The following HIBADH variants were observed in gnomAD, a reference collection of about 807,000 sequenced individuals.
The protein encoded by HIBADH is 3-hydroxyisobutyrate dehydrogenase.
Under a neutral mutation model 36.1 loss-of-function variants are expected in HIBADH, and 25 were observed. The ratio of observed to expected loss-of-function variants is 0.69; its 90% confidence interval spans 0.50 to 0.97. The LOEUF is 0.97. Ranked by LOEUF, HIBADH falls within the 50% of genes least tolerant of loss-of-function variation. The pLI, the probability that HIBADH is intolerant of heterozygous loss-of-function variation, is 0.00. For synonymous variants in HIBADH, 160 were observed against 149.5 expected (o/e 1.07, Z -0.51); for missense variants, 421 against 418.0 (o/e 1.01, Z -0.06).
At position 27,649,453 on chromosome 7, in the gene HIBADH, A is replaced by T; in HGVS notation, c.252+20T>A. 1 of 1,554,360 alleles carries T rather than the reference A, an allele frequency of 6.4e-7. No homozygotes were observed. The highest frequency in any genetic ancestry group is 1.9e-5 in the Admixed American group (1 of 51,988). On this transcript the variant is annotated intron_variant, in intron 2 of 7. Coordinates refer to ENST00000265395, the MANE Select transcript of HIBADH (RefSeq NM_152740.4). Reference sequence around the variant, plus strand: ...TTTTCATTCTCAAAATCTAAAACAAATCTAAAGAAAAGGTCTTACCTGTTC... The same window carrying T: ...TTTTCATTCTCAAAATCTAAAACAATTCTAAAGAAAAGGTCTTACCTGTTC...
chr7:27,528,139 G>A (rs1783939282), intron 7 of HIBADH, among the ~76,000 whole-genome samples: 1 of 151,710 alleles, frequency 6.6e-6, no homozygotes. Context: ...AAACATAATC[G>A]ATAAATGTGG....
chr7:27,569,509 G>A lies in HIBADH; in HGVS notation c.485-26409C>T, dbSNP rs77518188. On this transcript the variant is annotated intron_variant, in intron 4 of 7. Coordinates refer to ENST00000265395, the MANE Select transcript of HIBADH (RefSeq NM_152740.4). ...AGGAGCCAGCCTGATATCTGGGTGG[G>A]CTATCTATCCCACAGCTACTTGGTA... Among the ~76,000 whole-genome samples, 288 of 152,186 alleles carry A rather than the reference G, an allele frequency of 1.9e-3. 1 individual carries two copies. The highest frequency in any genetic ancestry group is 6.6e-3 in the African/African-American group (275 of 41,508).
At chr7:27,556,353 T>A (rs1477459983) in intron 4 of HIBADH, among the ~76,000 whole-genome samples, 1 of 152,248 alleles carries the variant, frequency 6.6e-6, no homozygotes, top group Admixed American at 6.5e-5. Context: ...CTCTGTTATA[T>A]ATTTTGCAAA....
chr7:27,545,753 T>G (rs1177943984), intron 4 of HIBADH, among the ~76,000 whole-genome samples: 2 of 152,236 alleles, frequency 1.3e-5, no homozygotes, highest in Non-Finnish European at 2.9e-5. Context: ...CACCCTGTGC[T>G]TGATTCTATT....
At chr7:27,577,158 A>G (rs904832369) in intron 4 of HIBADH, among the ~76,000 whole-genome samples, 3 of 118,720 alleles carry the variant, frequency 2.5e-5, no homozygotes, top group Non-Finnish European at 4.9e-5. Context: ...TCCAAGCATC[A>G]TTTCTCTCTT....
intron 4 of HIBADH, among the ~76,000 whole-genome samples, chr7:27,592,480 C>T (rs533328053): frequency 6.6e-6 from 1 of 152,252 alleles, no homozygotes; most frequent in East Asian, 1.9e-4. Flanking sequence ...ACAAAAAGTA[C>T]TCAGACCAAC....
At chr7:27,532,678 A>G (rs778542846) in intron 6 of HIBADH, among the ~76,000 whole-genome samples, 8 of 152,188 alleles carry the variant, frequency 5.3e-5, no homozygotes, top group Non-Finnish European at 1.0e-4. Context: ...GGATTTTACT[A>G]AGGATTGTAA....
At chr7:27,547,799 T>C (rs1480885559) in intron 4 of HIBADH, among the ~76,000 whole-genome samples, 2 of 152,060 alleles carry the variant, frequency 1.3e-5, no homozygotes, top group East Asian at 3.9e-4. Flanking sequence ...TTTCCCACAT[T>C]TATTATATTA....
At chr7:27,644,077 G>A (rs1033963012) in intron 2 of HIBADH, among the ~76,000 whole-genome samples, 4 of 151,980 alleles carry the variant, frequency 2.6e-5, no homozygotes, top group Admixed American at 1.3e-4. Flanking sequence ...CATATAATTC[G>A]CATACAATTC....
At chr7:27,559,975 T>C (rs1258205694) in intron 4 of HIBADH, among the ~76,000 whole-genome samples, 1 of 152,248 alleles carries the variant, frequency 6.6e-6, no homozygotes, top group Non-Finnish European at 1.5e-5. Flanking sequence ...TATATAATAA[T>C]GCTGTATGCA....
intron 6 of HIBADH, among the ~76,000 whole-genome samples, chr7:27,534,226 G>A (rs114847244): frequency 0.011 from 1,633 of 152,226 alleles, 25 homozygotes; most frequent in African/African-American, 0.037. Context: ...GGCCAAAAAT[G>A]TTTGTTTATA....
intron 2 of HIBADH, among the ~76,000 whole-genome samples, chr7:27,639,623 G>A (rs996383861): frequency 6.6e-6 from 1 of 152,098 alleles, no homozygotes; most frequent in Non-Finnish European, 1.5e-5. Flanking sequence ...CTTCCTGTGG[G>A]CCTTGGAGGC....
At chr7:27,641,861 C>G (rs1583615290) in intron 2 of HIBADH, among the ~76,000 whole-genome samples, 1 of 152,140 alleles carries the variant, frequency 6.6e-6, no homozygotes, top group South Asian at 2.1e-4. Context: ...TTCACATTGT[C>G]CCACCTTCCA....
intron 5 of HIBADH, among the ~76,000 whole-genome samples, chr7:27,542,171 C>G (rs971755372): frequency 1.3e-4 from 19 of 151,942 alleles, no homozygotes; most frequent in African/African-American, 4.4e-4. Context: ...TTTGATATTT[C>G]TAGGCCATGT....
At chr7:27,635,877 TGAC>T (rs1173428629) in intron 2 of HIBADH, among the ~76,000 whole-genome samples, 1 of 152,232 alleles carries the variant, frequency 6.6e-6, no homozygotes, top group Non-Finnish European at 1.5e-5. Context: ...ATCTCAATTT[TGAC>T]TACAGGAAAT....
intron 6 of HIBADH, 126 bp downstream of exon 6, chr7:27,538,215 G>T: frequency 1.4e-6 from 1 of 713,422 alleles, no homozygotes; most frequent in South Asian, 1.8e-5. Flanking sequence ...GTTCAATAAT[G>T]AAGTACTTTC....
chr7:27,600,082 G>C (rs769019257), intron 4 of HIBADH, among the ~76,000 whole-genome samples: 1 of 151,874 alleles, frequency 6.6e-6, no homozygotes, highest in Non-Finnish European at 1.5e-5. Context: ...AAACAGAATG[G>C]GTCTTCTTTC....
At chr7:27,539,632 TAGAG>T (rs1384040983) in intron 5 of HIBADH, among the ~76,000 whole-genome samples, 13 of 152,198 alleles carry the variant, frequency 8.5e-5, no homozygotes, top group Middle Eastern at 3.4e-3. Context: ...GTACTACAAA[TAGAG>T]AGGACTATGG....
chr7:27,601,140 G>C lies in HIBADH; in HGVS notation c.484+28231C>G, dbSNP rs146423002. On this transcript the variant is annotated intron_variant, in intron 4 of 7. Coordinates refer to ENST00000265395, the MANE Select transcript of HIBADH (RefSeq NM_152740.4). ...GTTAAATCATGATGAGTATGGGCCG[G>C]TTGATTGGATCTTTTTAACATAATC... is the stretch of plus-strand genomic sequence containing the variant. 7.5e-3 allele frequency among the ~76,000 whole-genome samples: 1,139 copies of C among 152,180 alleles called. 9 individuals carry two copies. Among genetic ancestry groups the C allele is most frequent in the African/African-American group, 0.026 (1,092 of 41,542 alleles).
Sources: allele counts gnomAD v4.1 joint callset (sites outside exome capture counted in the v4.1 genomes callset), GRCh38; gene constraint gnomAD v4.1.1; transcripts MANE v1.5; gene names NCBI Gene and HGNC (gene_info 2026-07-23, HGNC 2026-07-21).